ZNF90: variants seen among roughly 807,000 people sequenced by gnomAD.
ZNF90 encodes the protein zinc finger protein HTF9.
Under a neutral mutation model 12.0 loss-of-function variants are expected in ZNF90, and 11 were observed. The observed-to-expected ratio is 0.92, with a 90% confidence interval of 0.58 to 1.52. ZNF90 has a LOEUF of 1.52. ZNF90 is among the 40% of genes most tolerant of loss of function. The pLI is 0.00. For synonymous variants in ZNF90, 232 were observed against 240.1 expected (o/e 0.97, Z 0.31); for missense variants, 765 against 711.5 (o/e 1.08, Z -0.86).
chr19:20,084,257 A>G (rs1309226378), intron 1 of ZNF90, among the ~76,000 whole-genome samples: 9 of 152,112 alleles, frequency 5.9e-5, no homozygotes, highest in Middle Eastern at 3.4e-3. Context: ...GGGTTTCACC[A>G]TATTGGTCAG....
At chr19:20,080,345 A>G in intron 1 of ZNF90, 1 of 482,534 alleles carries the variant, frequency 2.1e-6, no homozygotes. Flanking sequence ...GAGCCACAGG[A>G]GAAATTCCCC....
chr19:20,091,258 G>C (rs558429156), intron 1 of ZNF90, among the ~76,000 whole-genome samples: 1 of 152,092 alleles, frequency 6.6e-6, no homozygotes, highest in Non-Finnish European at 1.5e-5. Context: ...GAGGGGGCCT[G>C]AACAATCCCT....
intron 3 of ZNF90, among the ~76,000 whole-genome samples, chr19:20,116,218 G>GCAA (rs1462705039): frequency 6.6e-6 from 1 of 152,114 alleles, no homozygotes; most frequent in East Asian, 1.9e-4. Context: ...TGCCCAGGCT[G>GCAA]CAGTGCAGTG....
intron 1 of ZNF90, among the ~76,000 whole-genome samples, chr19:20,098,740 G>T (rs1432912932): frequency 6.6e-6 from 1 of 152,214 alleles, no homozygotes; most frequent in Non-Finnish European, 1.5e-5. Flanking sequence ...TGAGGCATTG[G>T]AGGATGTCAG....
chr19:20,087,632 G>C (rs1161133445), intron 1 of ZNF90: 5 of 152,288 alleles, frequency 3.3e-5, no homozygotes, highest in African/African-American at 1.2e-4. Flanking sequence ...GGTGAGCTGT[G>C]CTCTGGGCTG....
At chr19:20,088,600 T>C (rs555025207) in intron 1 of ZNF90, among the ~76,000 whole-genome samples, 4 of 152,246 alleles carry the variant, frequency 2.6e-5, no homozygotes, top group South Asian at 2.1e-4. Context: ...CCAGGCCAGA[T>C]TGATTTAGGT....
intron 1 of ZNF90, among the ~76,000 whole-genome samples, chr19:20,093,242 G>C (rs557339052): frequency 2.6e-5 from 4 of 152,198 alleles, no homozygotes; most frequent in African/African-American, 9.6e-5. Context: ...AGACTTATCC[G>C]GTTTTTGGAC....
chr19:20,085,268 C>CTTTTTTTTTTCTTTTTTTTTTT (rs56068843), intron 1 of ZNF90, among the ~76,000 whole-genome samples: 43 of 135,548 alleles, frequency 3.2e-4, no homozygotes, highest in South Asian at 1.6e-3. Flanking sequence ...TTGCATTGGT[C>CTTTTTTTTTTCTTTTTTTTTTT]TTTTTTTTTT....
At chr19:20,103,470 A>G (rs1295503857) in intron 1 of ZNF90, among the ~76,000 whole-genome samples, 4 of 152,224 alleles carry the variant, frequency 2.6e-5, no homozygotes, top group Admixed American at 2.6e-4. Flanking sequence ...GCGCATTAGC[A>G]CATCATAAAA....
intron 1 of ZNF90, among the ~76,000 whole-genome samples, chr19:20,098,810 C>T (rs781858871): frequency 1.7e-4 from 26 of 152,276 alleles, no homozygotes; most frequent in African/African-American, 4.8e-4. Context: ...GTAAGAGAAA[C>T]GAGTCATCCT....
At chr19:20,086,435 C>A (rs1250620313) in intron 1 of ZNF90, among the ~76,000 whole-genome samples, 1 of 151,740 alleles carries the variant, frequency 6.6e-6, no homozygotes, top group Non-Finnish European at 1.5e-5. Flanking sequence ...GGTGTGTTAT[C>A]ATGTTCACCA....
At chr19:20,081,486 C>T (rs111646472) in intron 1 of ZNF90, among the ~76,000 whole-genome samples, 2,903 of 152,306 alleles carry the variant, frequency 0.019, 94 homozygotes, top group African/African-American at 0.067. Flanking sequence ...CGCACCCAGC[C>T]AGCATTTTTG....
intron 3 of ZNF90, among the ~76,000 whole-genome samples, chr19:20,108,621 C>A (rs2089059760): frequency 6.6e-6 from 1 of 150,906 alleles, no homozygotes; most frequent in Non-Finnish European, 1.5e-5. Context: ...CCTGGCCTGA[C>A]TACTTTTTTT....
intron 1 of ZNF90, among the ~76,000 whole-genome samples, chr19:20,078,618 A>G (rs913452229): frequency 5.9e-5 from 9 of 151,376 alleles, no homozygotes; most frequent in African/African-American, 2.2e-4. Context: ...AGTACAACGT[A>G]GTTCTTCTTC....
At position 20,085,408 on chromosome 19, in the gene ZNF90, T is replaced by C. The variant is rs186277797; in HGVS notation, c.3+7273T>C. ...CCGAATAGCTGGGACTACAGGTGCC[T>C]GCCACCGCGCCCGGCTAATTTTTTT... On this transcript the variant is annotated intron_variant, in intron 1 of 3. Coordinates refer to ENST00000418063, the MANE Select transcript of ZNF90 (RefSeq NM_007138.2). Among the ~76,000 whole-genome samples the C allele has an allele frequency of 4.2e-3, 643 of 152,024 alleles. 6 individuals carry two copies. Among genetic ancestry groups the C allele is most frequent in the African/African-American group, 0.015 (613 of 41,428 alleles).
intron 3 of ZNF90, among the ~76,000 whole-genome samples, chr19:20,106,585 C>G (rs2089040802): frequency 6.6e-6 from 1 of 152,200 alleles, no homozygotes; most frequent in Non-Finnish European, 1.5e-5. Context: ...TCCCGAGTAG[C>G]TGGGACTACA....
rs1296223124 is a variant in ZNF90, at chr19:20,095,433, G to C, written c.4-8806G>C. Among the ~76,000 whole-genome samples the C allele has an allele frequency of 2.0e-5, 3 of 152,142 alleles. No homozygotes were observed. The East Asian group carries it at 5.8e-4, about 30-fold the overall frequency. Reference sequence around the variant, plus strand: ...GAGGTTTTAAGTTCTTGAGGACACAGGCTAAAGGAGAAGGAGGAATGGAGG... The same window carrying C: ...GAGGTTTTAAGTTCTTGAGGACACACGCTAAAGGAGAAGGAGGAATGGAGG... On this transcript the variant is annotated intron_variant, in intron 1 of 3. Coordinates refer to ENST00000418063, the MANE Select transcript of ZNF90 (RefSeq NM_007138.2).
At chr19:20,113,685 G>A (rs1038439207) in intron 3 of ZNF90, among the ~76,000 whole-genome samples, 2 of 151,896 alleles carry the variant, frequency 1.3e-5, no homozygotes, top group Admixed American at 6.6e-5. Context: ...AAAATTCGCC[G>A]GGCGTGTTGG....
intron 3 of ZNF90, among the ~76,000 whole-genome samples, chr19:20,107,580 T>A (rs2089050905): frequency 6.6e-6 from 1 of 152,232 alleles, no homozygotes; most frequent in African/African-American, 2.4e-5. Context: ...CATGTAGCTG[T>A]CATTACAGGT....
Sources: allele counts gnomAD v4.1 joint callset (sites outside exome capture counted in the v4.1 genomes callset), GRCh38; gene constraint gnomAD v4.1.1; transcripts MANE v1.5; gene names NCBI Gene and HGNC (gene_info 2026-07-23, HGNC 2026-07-21).